The following TMCC2 variants were observed in gnomAD, a reference collection of about 807,000 sequenced individuals.
TMCC2 encodes transmembrane and coiled-coil domain family 2.
In TMCC2, 16 loss-of-function variants were observed where a neutral mutation model predicts 49.4. The ratio of observed to expected loss-of-function variants is 0.32; its 90% CI spans 0.22 to 0.49. The LOEUF (loss-of-function observed/expected upper bound fraction) is 0.49. Ranked by LOEUF, TMCC2 falls within the 20% of genes least tolerant of loss-of-function variation. The pLI is 0.99. For synonymous variants in TMCC2, 397 were observed against 434.1 expected (o/e 0.91, Z 1.06); for missense variants, 762 against 989.8 (o/e 0.77, Z 3.09).
At chr1:205,258,627 C>G (rs1259246030) in intron 2 of TMCC2, among the ~76,000 whole-genome samples, 1 of 152,130 alleles carries the variant, frequency 6.6e-6, no homozygotes, top group East Asian at 1.9e-4. Flanking sequence ...GCCACCAGCC[C>G]CACCGGGCTA....
rs1660923978 is a variant in TMCC2 at position 205,257,443 on chromosome 1, G to T, written c.748-11507G>T. ...TGGGGGATGGGAAAAGGCCTGTTCT[G>T]CAGTTAGTCAGGTGGGCTGTGCTTA... On this transcript the variant is annotated intron_variant, in intron 2 of 4. Transcript: ENST00000358024. The T allele has an allele frequency of 1.2e-5, 14 of 1,215,256 alleles. No homozygotes were observed. In the South Asian group the frequency reaches 4.6e-4, roughly 40 times the overall value. The allele number at this position is 1,215,256 out of a possible 1,614,324, so 75.3% of individuals were successfully genotyped here.
chr1:205,271,698 G>A, intron 4 of TMCC2, 115 bp from the exon 5 acceptor site: 1 of 1,364,626 alleles, frequency 7.3e-7, no homozygotes, highest in Non-Finnish European at 9.8e-7. Flanking sequence ...CACTCCTCCT[G>A]GCCTTTGGAG....
rs753627770 is a variant in TMCC2 at position 205,269,578 on chromosome 1, G to A, written c.1376G>A (p.Arg459Gln). ...GATGGGCCCCCTGAGGAGGCAGCCC[G>A]GGCACTGAGCGGCAGTGCCACACTC... is the stretch of plus-strand genomic sequence containing the variant. Reference protein sequence around the residue: ...LEDGPPEEAARALSGSATLVS... With the variant: ...LEDGPPEEAAQALSGSATLVS... The change falls in exon 3 of 5, where the codon CGG becomes CAG. Residue 459 changes from arginine (R) to glutamine (Q), a missense_variant. Physicochemically the swap from Arg to Gln is conservative, Grantham distance 43. Coordinates refer to ENST00000358024, the MANE Select transcript of TMCC2 (RefSeq NM_014858.4). 10 of 1,613,710 alleles carry A rather than the reference G, an allele frequency of 6.2e-6. No individual in the cohort carries two copies. The highest frequency in any genetic ancestry group is 2.2e-5 in the East Asian group (1 of 44,884).
chr1:205,268,571 G>A (rs1261938922), intron 2 of TMCC2, among the ~76,000 whole-genome samples: 1 of 152,146 alleles, frequency 6.6e-6, no homozygotes, highest in East Asian at 1.9e-4. Flanking sequence ...CTGAGATTAC[G>A]CTACTGCAGT....
In TMCC2 at chr1:205,241,024, G is replaced by A. The variant is rs1157456295; in HGVS notation, c.208-481G>A. ...CAGTATAACTTGATTGTATGACCCT[G>A]ATTTTACTGGGGGAATGTTGGAATT... is the stretch of plus-strand genomic sequence containing the variant. On this transcript the variant is annotated intron_variant, in intron 1 of 4. Coordinates refer to ENST00000358024, the MANE Select transcript of TMCC2 (RefSeq NM_014858.4). This position sits in a 1 kb window ranked among gnomAD's most constrained non-coding sequence, Gnocchi z 7.3. Among the ~76,000 whole-genome samples the A allele has an allele frequency of 6.6e-6, 1 of 152,186 alleles. No homozygotes were observed. Among genetic ancestry groups the A allele is most frequent in the Non-Finnish European group, 1.5e-5 (1 of 68,036 alleles).
rs192505462 is a variant in TMCC2, at chr1:205,257,449, A to T, written c.748-11501A>T. 27 of 1,204,570 alleles carry T rather than the reference A, an allele frequency of 2.2e-5. No homozygotes were observed. The Admixed American group carries it at 3.8e-4, about 17-fold the overall frequency. 74.6% of individuals were successfully genotyped at this position (1,204,570 alleles called of 1,614,324 possible). Reference sequence around the variant, plus strand: ...ATGGGAAAAGGCCTGTTCTGCAGTTAGTCAGGTGGGCTGTGCTTACACTCC... The same window carrying T: ...ATGGGAAAAGGCCTGTTCTGCAGTTTGTCAGGTGGGCTGTGCTTACACTCC... On this transcript the variant is annotated intron_variant, in intron 2 of 4. Coordinates refer to ENST00000358024, the MANE Select transcript of TMCC2 (RefSeq NM_014858.4).
In TMCC2 at chr1:205,271,894, G is replaced by A. The variant is rs900445841; in HGVS notation, c.1900G>A (p.Val634Met). The change falls in exon 5 of 5, where the codon GTG becomes ATG. Residue 634 changes from valine to methionine, a missense_variant. Around this residue, in one of 2 missense-constraint regions of TMCC2, gnomAD observed 440 missense variants for 636.7 expected, o/e 0.69. Coordinates refer to ENST00000358024, the MANE Select transcript of TMCC2 (RefSeq NM_014858.4). ...QQQQVVQLEG[V>M]ENANARALLG... ...GCAGCAGGTGGTACAGCTGGAGGGC[G>A]TGGAGAATGCCAACGCGCGGGCGCT... is the stretch of plus-strand genomic sequence containing the variant. 13 of 1,614,018 alleles carry A rather than the reference G, an allele frequency of 8.1e-6. No individual in the cohort carries two copies. The highest frequency in any genetic ancestry group is 1.7e-5 in the Admixed American group (1 of 60,014).
At position 205,241,687 on chromosome 1, in the gene TMCC2, T is replaced by C. The variant is rs2102544052; in HGVS notation, c.390T>C (p.His130=). 6.2e-7 allele frequency: 1 copy of C among 1,613,682 alleles called. No homozygotes were observed. Among genetic ancestry groups the C allele is most frequent in the Non-Finnish European group, 8.5e-7 (1 of 1,180,004 alleles). ...PDEKERSPEM[H]RVSYAMSLHD... ...AGAAGGAGCGCTCTCCGGAGATGCA[T>C]CGCGTCTCCTACGCCATGTCCCTGC... Residue 130 remains histidine, a synonymous_variant, in exon 2 of 5, where the codon CAT becomes CAC. Coordinates refer to ENST00000358024, the MANE Select transcript of TMCC2 (RefSeq NM_014858.4). This position sits in a 1 kb window ranked among gnomAD's most constrained non-coding sequence, Gnocchi z 7.3.
intron 2 of TMCC2, among the ~76,000 whole-genome samples, chr1:205,249,398 G>C (rs11240399): frequency 0.18 from 26,919 of 152,290 alleles, 3,130 homozygotes; most frequent in East Asian, 0.44. Flanking sequence ...CAAGAAGACA[G>C]ATCTTGGCAG....
intron 1 of TMCC2, among the ~76,000 whole-genome samples, chr1:205,231,612 T>C (rs1410168398): frequency 6.6e-6 from 1 of 152,220 alleles, no homozygotes; most frequent in Non-Finnish European, 1.5e-5. Flanking sequence ...AAACTTGCTT[T>C]CCAGTGCTGG....
intron 2 of TMCC2, among the ~76,000 whole-genome samples, chr1:205,247,560 G>T (rs545750588): frequency 1.3e-5 from 2 of 152,180 alleles, no homozygotes; most frequent in Non-Finnish European, 2.9e-5. Context: ...TCCAGCCATC[G>T]GTAAACCCTG....
intron 2 of TMCC2, chr1:205,246,687 C>G (rs1291576053): frequency 1.3e-6 from 2 of 1,550,190 alleles, no homozygotes; most frequent in South Asian, 2.4e-5. Flanking sequence ...GCCCACCTCT[C>G]ATGGGTGAGT....
At position 205,269,618 on chromosome 1, in the gene TMCC2, G is replaced by A; in HGVS notation, c.1416G>A (p.Lys472=). ...SGSATLVSSP[K]YGSDDECSSA... ...GTGCCACACTCGTCTCCAGCCCCAA[G>A]TATGGCAGCGATGATGAGTGCTCCA... The change falls in exon 3 of 5, where the codon AAG becomes AAA. Residue 472 remains lysine, a synonymous_variant. Coordinates refer to ENST00000358024, the MANE Select transcript of TMCC2 (RefSeq NM_014858.4). 1.2e-6 allele frequency: 2 copies of A among 1,613,752 alleles called. No homozygotes were observed. The highest frequency in any genetic ancestry group is 1.7e-6 in the Non-Finnish European group (2 of 1,179,962).
chr1:205,229,545 C>CGGGGGGGGGGGGGGGGGGG lies in TMCC2; in HGVS notation c.207+787_207+788insGGGGGGGGGGGGGGGGGGG, dbSNP rs1241476015. 3 of 283,978 alleles carry CGGGGGGGGGGGGGGGGGGG rather than the reference C, an allele frequency of 1.1e-5. 1 individual carries two copies. In the African/African-American group the frequency reaches 6.0e-4, roughly 57 times the overall value. The allele number at this position is 283,978 out of a possible 1,614,324, so 17.6% of individuals were successfully genotyped here. ...CTCAGTTTGCCGATCTGTGAAGGGG[C>CGGGGGGGGGGGGGGGGGGG]GGGGGGGGGGGGGTGGTGGCGGGGG... is the stretch of plus-strand genomic sequence containing the variant. On this transcript the variant is annotated intron_variant, in intron 1 of 4. Transcript: ENST00000358024.
At chr1:205,249,730 A>G (rs116048934) in intron 2 of TMCC2, among the ~76,000 whole-genome samples, 8 of 152,294 alleles carry the variant, frequency 5.3e-5, no homozygotes, top group African/African-American at 7.2e-5. Context: ...CCTCCATCCC[A>G]TCTCATCTCT....
intron 2 of TMCC2, among the ~76,000 whole-genome samples, chr1:205,251,286 G>A (rs1660660037): frequency 6.6e-6 from 1 of 152,146 alleles, no homozygotes; most frequent in South Asian, 2.1e-4. Context: ...TCCCTTCTCT[G>A]TCCAGGGACA....
At chr1:205,257,411 G>T in intron 2 of TMCC2, 2 of 1,231,988 alleles carry the variant, frequency 1.6e-6, no homozygotes, top group Non-Finnish European at 2.0e-6. Flanking sequence ...ACCGGGCGGG[G>T]TGGAGTTGGG....
rs917330139 is a variant in TMCC2, at chr1:205,241,656, C to G, written c.359C>G (p.Pro120Arg). 2 of 1,613,868 alleles carry G rather than the reference C, an allele frequency of 1.2e-6. No homozygotes were observed. Among genetic ancestry groups the G allele is most frequent in the Non-Finnish European group, 1.7e-6 (2 of 1,179,990 alleles). ...QQQGMSDHDS[P>R]DEKERSPEMH... ...CAGGGTATGTCCGACCATGACTCCC[C>G]AGATGAGAAGGAGCGCTCTCCGGAG... is the stretch of plus-strand genomic sequence containing the variant. The change falls in exon 2 of 5, where the codon CCA becomes CGA. Residue 120 changes from proline (P) to arginine (R), a missense_variant. Around this residue, in one of 2 missense-constraint regions of TMCC2, gnomAD observed 322 missense variants for 353.1 expected, o/e 0.91. Transcript: ENST00000358024. The surrounding 1 kb of genome is among the most constrained non-coding windows in gnomAD (Gnocchi z 7.3).
chr1:205,262,479 T>C (rs1227488935), intron 2 of TMCC2, among the ~76,000 whole-genome samples: 1 of 152,130 alleles, frequency 6.6e-6, no homozygotes, highest in African/African-American at 2.4e-5. Flanking sequence ...CAGCTCAGCC[T>C]CTCAGGGATC....
Sources: gnomAD v4.1 joint callset for allele counts (sites outside exome capture counted in the v4.1 genomes callset) on GRCh38, gnomAD v4.1.1 for gene constraint, gnomAD v4.1.1 regional missense constraint, Gnocchi (gnomAD v3.1) non-coding constraint, MANE v1.5 for transcripts, NCBI Gene and HGNC (gene_info 2026-07-23, HGNC 2026-07-21) for gene names.